The following VPS13A variants were observed in gnomAD, a reference collection of about 807,000 sequenced individuals.
VPS13A encodes intermembrane lipid transfer protein VPS13A.
In VPS13A, 264 loss-of-function variants were observed where a neutral mutation model predicts 390.9. The ratio of observed to expected loss-of-function variants is 0.68; its 90% CI spans 0.61 to 0.75. VPS13A has a LOEUF of 0.75. Ranked by LOEUF, VPS13A falls within the 30% of genes least tolerant of loss-of-function variation. The pLI, the probability that VPS13A is intolerant of heterozygous loss-of-function variation, is 0.00. For synonymous variants in VPS13A, 1,231 were observed against 1,227.1 expected (o/e 1.00, Z -0.07); for missense variants, 3,409 against 3,733.9 (o/e 0.91, Z 2.27).
At chr9:77,253,346 C>T (rs1825248384) in intron 22 of VPS13A, among the ~76,000 whole-genome samples, 1 of 152,172 alleles carries the variant, frequency 6.6e-6, no homozygotes, top group Non-Finnish European at 1.5e-5. Context: ...CCCTCTGTCA[C>T]CCAGGCTGGA....
At chr9:77,207,235 A>G (rs1399997819) in intron 5 of VPS13A, among the ~76,000 whole-genome samples, 2 of 109,048 alleles carry the variant, frequency 1.8e-5, no homozygotes, top group Non-Finnish European at 3.8e-5. Context: ...ATATATATAT[A>G]TATATATATA....
At chr9:77,216,306 T>A (rs2131163968) in intron 10 of VPS13A, among the ~76,000 whole-genome samples, 1 of 152,278 alleles carries the variant, frequency 6.6e-6, no homozygotes. Context: ...CTGGCATACC[T>A]GTTGGAGAGC....
intron 45 of VPS13A, 152 bp downstream of exon 45, chr9:77,323,379 C>A: frequency 1.1e-6 from 1 of 905,312 alleles, no homozygotes; most frequent in Non-Finnish European, 1.7e-6. Context: ...CCACCAGTTG[C>A]GCTACTTGGT....
intron 68 of VPS13A, 29 bp from the exon 69 acceptor site, chr9:77,403,207 T>C: frequency 6.5e-7 from 1 of 1,534,244 alleles, no homozygotes; most frequent in Non-Finnish European, 9.0e-7. Flanking sequence ...CTATCAATTT[T>C]CTCATTGTCT....
chr9:77,409,198 C>T (rs1320149258), intron 71 of VPS13A, among the ~76,000 whole-genome samples: 2 of 152,228 alleles, frequency 1.3e-5, no homozygotes, highest in Non-Finnish European at 2.9e-5. Context: ...CTGGAGTGGA[C>T]CTCCAGCAAA....
chr9:77,299,171 A>G (rs1191678059), intron 33 of VPS13A, among the ~76,000 whole-genome samples: 1 of 152,106 alleles, frequency 6.6e-6, no homozygotes, highest in Non-Finnish European at 1.5e-5. Flanking sequence ...GCCTTGTAGT[A>G]TAGTTTGAAG....
intron 68 of VPS13A, among the ~76,000 whole-genome samples, chr9:77,402,886 A>G (rs942049952): frequency 6.6e-6 from 1 of 152,208 alleles, no homozygotes; most frequent in Non-Finnish European, 1.5e-5. Context: ...TAGTATTTAC[A>G]TGTGTTTTTG....
rs140578721 is a variant in VPS13A, at chr9:77,328,933, T to C, written c.5992-3077T>C. On this transcript the variant is annotated intron_variant, in intron 45 of 71. Transcript: ENST00000360280. ...AGAGACCTCAGGAAACTTACAATCA[T>C]GGCAGAAGGCAAATGGGAAGCAAGG... 7.3e-3 allele frequency among the ~76,000 whole-genome samples: 1,115 copies of C among 152,318 alleles called. 9 individuals are homozygous for C. Among genetic ancestry groups the C allele is most frequent in the African/African-American group, 0.012 (488 of 41,576 alleles).
chr9:77,368,107 T>C lies in VPS13A; in HGVS notation c.8524T>C (p.Ser2842Pro). ...GTTCCATACAACATCCGATCTACAG[T>C]CTGAAGTCATAAGACACTATTCAAA... is the stretch of plus-strand genomic sequence containing the variant. ...YQFHTTSDLQSEVIRHYSKQA... is the reference protein window; with the variant it reads ...YQFHTTSDLQPEVIRHYSKQA... The change falls in exon 62 of 72, where the codon TCT becomes CCT. Residue 2842 changes from serine to proline, a missense_variant. Transcript: ENST00000360280. 1 of 1,612,552 alleles carries C rather than the reference T, an allele frequency of 6.2e-7. No individual in the cohort carries two copies. Among genetic ancestry groups the C allele is most frequent in the Admixed American group, 1.7e-5 (1 of 59,978 alleles).
At chr9:77,184,170 A>G (rs1460816134) in intron 1 of VPS13A, among the ~76,000 whole-genome samples, 2 of 152,226 alleles carry the variant, frequency 1.3e-5, no homozygotes, top group Non-Finnish European at 2.9e-5. Context: ...CCCAGTCAAG[A>G]TATAGAACAT....
intron 65 of VPS13A, 66 bp downstream of exon 65, chr9:77,370,644 A>T: frequency 6.3e-7 from 1 of 1,599,570 alleles, no homozygotes; most frequent in East Asian, 2.2e-5. Context: ...ACATTTGCGA[A>T]TAAGGAAATA....
intron 26 of VPS13A, chr9:77,279,902 T>C (rs1826914415): frequency 3.9e-6 from 1 of 254,696 alleles, no homozygotes; most frequent in Non-Finnish European, 7.6e-6. Flanking sequence ...TTTTCTTACC[T>C]TACCTCCTAT....
intron 59 of VPS13A, among the ~76,000 whole-genome samples, chr9:77,363,005 C>T (rs72746091): frequency 0.057 from 8,733 of 151,924 alleles, 361 homozygotes; most frequent in South Asian, 0.12. Flanking sequence ...TTTGTTGTTC[C>T]GTATATTCTT....
At chr9:77,352,208 G>A (rs1013330318) in intron 53 of VPS13A, among the ~76,000 whole-genome samples, 1 of 152,202 alleles carries the variant, frequency 6.6e-6, no homozygotes, top group Non-Finnish European at 1.5e-5. Flanking sequence ...ATTTCTGAGT[G>A]GCAAGCTATG....
At chr9:77,267,152 A>G (rs1271471238) in intron 23 of VPS13A, among the ~76,000 whole-genome samples, 4 of 152,050 alleles carry the variant, frequency 2.6e-5, no homozygotes, top group African/African-American at 4.8e-5. Flanking sequence ...CACCTTCTGA[A>G]GCCTGTTTCT....
intron 1 of VPS13A, among the ~76,000 whole-genome samples, chr9:77,183,907 CAT>C (rs1365922414): frequency 1.3e-5 from 2 of 152,244 alleles, no homozygotes; most frequent in Admixed American, 1.3e-4. Context: ...TTTAACCACA[CAT>C]GTTTTGTCAC....
At chr9:77,294,143 A>G (rs151331298) in intron 32 of VPS13A, among the ~76,000 whole-genome samples, 62 of 150,764 alleles carry the variant, frequency 4.1e-4, no homozygotes, top group African/African-American at 1.5e-3. Context: ...CTGGTCTTGA[A>G]CTCCTGGCCT....
chr9:77,371,379 T>C (rs1832738474), intron 67 of VPS13A, among the ~76,000 whole-genome samples: 1 of 152,152 alleles, frequency 6.6e-6, no homozygotes. Flanking sequence ...TAGGGCCTTT[T>C]TGCGGTGTCA....
chr9:77,374,985 C>G (rs1832988154), intron 67 of VPS13A, among the ~76,000 whole-genome samples: 1 of 152,006 alleles, frequency 6.6e-6, no homozygotes, highest in Admixed American at 6.6e-5. Flanking sequence ...TTGGGTGTTT[C>G]TGGTTTCGGC....
Sources: allele counts gnomAD v4.1 joint callset (sites outside exome capture counted in the v4.1 genomes callset), GRCh38; gene constraint gnomAD v4.1.1; transcripts MANE v1.5; gene names NCBI Gene and HGNC (gene_info 2026-07-23, HGNC 2026-07-21).